COBLL1: variants seen among roughly 807,000 people sequenced by gnomAD.
COBLL1 encodes cordon-bleu protein-like 1.
Under a neutral mutation model 94.8 loss-of-function variants are expected in COBLL1, and 50 were observed. The observed-to-expected ratio is 0.53, with a 90% CI of 0.42 to 0.67. The LOEUF (loss-of-function observed/expected upper bound fraction) is 0.67. Among genes scored for constraint, COBLL1 ranks in the 30% least tolerant of loss-of-function variants. The pLI is 0.00. For missense variants in COBLL1, 1,362 were observed against 1,348.7 expected (o/e 1.01, Z -0.15); for synonymous variants, 448 against 473.8 (o/e 0.95, Z 0.71).
intron 2 of COBLL1, among the ~76,000 whole-genome samples, chr2:164,769,932 G>C (rs764497549): frequency 2.6e-5 from 4 of 152,094 alleles, no homozygotes; most frequent in Non-Finnish European, 4.4e-5. Context: ...ATGTTACCTT[G>C]TTCTCCCTTT....
At chr2:164,797,878 C>T (rs1449717645) in intron 2 of COBLL1, among the ~76,000 whole-genome samples, 1 of 152,166 alleles carries the variant, frequency 6.6e-6, no homozygotes, top group Admixed American at 6.5e-5. Flanking sequence ...TACTAAATAT[C>T]TTCCGTTTTA....
At position 164,722,246 on chromosome 2, in the gene COBLL1, G is replaced by A. The variant is rs773801362; in HGVS notation, c.825C>T (p.Thr275=). The A allele has an allele frequency of 6.2e-7, 1 of 1,613,924 alleles. No homozygotes were observed. Residue 275 remains threonine, a synonymous_variant, in exon 7 of 14, where the codon ACC becomes ACT. Coordinates refer to ENST00000652658, the MANE Select transcript of COBLL1 (RefSeq NM_001365672.2). ...KHRPTFTRSN[T]ISKPYISNTL... is the part of the protein sequence containing the mutation. ...TGTTGGAAATATATGGTTTGGAAATGGTATTGGACCTTGTAAAAGTTGGGC... is the reference window on the plus strand; with the variant it reads ...TGTTGGAAATATATGGTTTGGAAATAGTATTGGACCTTGTAAAAGTTGGGC...
At chr2:164,757,857 C>A (rs1187960664) in intron 2 of COBLL1, among the ~76,000 whole-genome samples, 1 of 151,394 alleles carries the variant, frequency 6.6e-6, no homozygotes, top group Middle Eastern at 3.2e-3. Context: ...TTATATATGT[C>A]CCATAAATAA....
At chr2:164,749,783 T>C (rs1419787432) in intron 2 of COBLL1, among the ~76,000 whole-genome samples, 1 of 152,188 alleles carries the variant, frequency 6.6e-6, no homozygotes, top group African/African-American at 2.4e-5. Context: ...AAACATTATA[T>C]GACTCTCATA....
chr2:164,778,482 A>G (rs1574570897), intron 2 of COBLL1, among the ~76,000 whole-genome samples: 1 of 152,112 alleles, frequency 6.6e-6, no homozygotes, highest in East Asian at 1.9e-4. Flanking sequence ...ATGTGCCTGT[A>G]GTCCCAGCTA....
rs754250437 is a variant in COBLL1 at position 164,695,816 on chromosome 2, C to A, written c.1576G>T (p.Val526Phe). 1.3e-6 allele frequency: 2 copies of A among 1,575,144 alleles called. No homozygotes were observed. The highest frequency in any genetic ancestry group is 1.7e-6 in the Non-Finnish European group (2 of 1,165,362). Residue 526 changes from valine to phenylalanine, a missense_variant, in exon 12 of 14, where the codon GTC becomes TTC. By Grantham distance (50) the Val-to-Phe change is conservative. Coordinates refer to ENST00000652658, the MANE Select transcript of COBLL1 (RefSeq NM_001365672.2). The part of the protein sequence containing the change: ...QENVVQNEII[V>F]YPENTEDNMK... ...TTGTCTTCTGTGTTCTCTGGATAGACAATTATTTCATTTTGAACTACTGAG... is the reference window on the plus strand; with the variant it reads ...TTGTCTTCTGTGTTCTCTGGATAGAAAATTATTTCATTTTGAACTACTGAG...
At chr2:164,728,239 GAAAC>G (rs1437309019) in intron 4 of COBLL1, 42 bp from the exon 5 acceptor site, 3 of 1,228,110 alleles carry the variant, frequency 2.4e-6, no homozygotes, top group East Asian at 2.3e-5. Flanking sequence ...ATAATTCACT[GAAAC>G]AAACACTCTA....
At chr2:164,790,248 G>A (rs1247600880) in intron 2 of COBLL1, among the ~76,000 whole-genome samples, 2 of 152,028 alleles carry the variant, frequency 1.3e-5, no homozygotes, top group African/African-American at 2.4e-5. Flanking sequence ...CCCAGTGTAC[G>A]TGAGGGTGGG....
intron 3 of COBLL1, among the ~76,000 whole-genome samples, chr2:164,737,488 C>T (rs936032138): frequency 2.6e-5 from 4 of 152,020 alleles, no homozygotes; most frequent in Non-Finnish European, 4.4e-5. Flanking sequence ...AGTTAAAATG[C>T]CAACTTTTGT....
At chr2:164,740,277 T>C (rs1686521571) in intron 3 of COBLL1, among the ~76,000 whole-genome samples, 1 of 152,012 alleles carries the variant, frequency 6.6e-6, no homozygotes, top group Non-Finnish European at 1.5e-5. Context: ...GTGGGAAGAT[T>C]GCTTGAGTCT....
Position 164,687,472 on chromosome 2 carries a change from G to A in COBLL1, c.3301-1440C>T, listed in dbSNP as rs1683359788. The stretch of plus-strand genomic sequence containing the variant: ...GAACTTGAACTTGGCCCTGTGCAGG[G>A]CCTCAATCACATGCTCCTTGTTCTG... On this transcript the variant is annotated intron_variant, in intron 13 of 13. Transcript: ENST00000652658. 3.5e-6 allele frequency: 5 copies of A among 1,443,982 alleles called. No homozygotes were observed. In the South Asian group the frequency reaches 5.7e-5, roughly 16 times the overall value. The allele number at this position is 1,443,982 out of a possible 1,614,324, so 89.4% of individuals were successfully genotyped here.
chr2:164,771,236 C>T (rs959241481), intron 2 of COBLL1, among the ~76,000 whole-genome samples: 1 of 151,972 alleles, frequency 6.6e-6, no homozygotes, highest in East Asian at 1.9e-4. Flanking sequence ...CGTTGACCAA[C>T]AACCTAAGTT....
At chr2:164,750,548 C>G (rs1352594262) in intron 2 of COBLL1, among the ~76,000 whole-genome samples, 9 of 152,216 alleles carry the variant, frequency 5.9e-5, no homozygotes, top group Non-Finnish European at 1.3e-4. Flanking sequence ...AGCCTTTTCA[C>G]TGGTCTCTCC....
chr2:164,753,928 G>A (rs747077965), intron 2 of COBLL1, among the ~76,000 whole-genome samples: 4 of 151,554 alleles, frequency 2.6e-5, no homozygotes, highest in Admixed American at 6.6e-5. Flanking sequence ...AGACAGGGTC[G>A]CACCACGTTG....
chr2:164,670,851 G>A (rs1460363072), intron 1 of COBLL1, among the ~76,000 whole-genome samples: 2 of 152,166 alleles, frequency 1.3e-5, no homozygotes, highest in African/African-American at 2.4e-5. Context: ...CAGAACTCAT[G>A]AGGAATGGAG....
intron 11 of COBLL1, chr2:164,697,231 A>AT (rs1361515526): frequency 1.3e-5 from 2 of 152,118 alleles, no homozygotes; most frequent in Non-Finnish European, 2.9e-5. Context: ...TAAACATGTA[A>AT]TTTTAAAATG....
rs147367787 is a variant in COBLL1 at position 164,779,793 on chromosome 2, G to T, written c.42-35918C>A. 1.9e-4 allele frequency: 89 copies of T among 468,546 alleles called. 2 individuals are homozygous for T. The East Asian group carries it at 5.4e-3, about 28-fold the overall frequency. 29.0% of individuals were successfully genotyped at this position (468,546 alleles called of 1,614,324 possible). ...CTGTCCCAATAACTGAGCCTAGAGGGAAAGAGAAGACTTAAGATGATAGCA... is the reference window on the plus strand; with the variant it reads ...CTGTCCCAATAACTGAGCCTAGAGGTAAAGAGAAGACTTAAGATGATAGCA... On this transcript the variant is annotated intron_variant, in intron 2 of 13. Coordinates refer to ENST00000652658, the MANE Select transcript of COBLL1 (RefSeq NM_001365672.2).
At chr2:164,757,703 T>C (rs1391289548) in intron 2 of COBLL1, among the ~76,000 whole-genome samples, 2 of 151,890 alleles carry the variant, frequency 1.3e-5, no homozygotes, top group Non-Finnish European at 2.9e-5. Context: ...TTTCAGCTAC[T>C]TGGGAGCCTG....
At chr2:164,815,347 C>T (rs1684672806) in intron 2 of COBLL1, among the ~76,000 whole-genome samples, 1 of 149,418 alleles carries the variant, frequency 6.7e-6, no homozygotes, top group African/African-American at 2.5e-5. Context: ...TGCAGTGAGC[C>T]GAGGTCATGC....
Sources: allele counts gnomAD v4.1 joint callset (sites outside exome capture counted in the v4.1 genomes callset), GRCh38; gene constraint gnomAD v4.1.1; transcripts MANE v1.5; gene names NCBI Gene and HGNC (gene_info 2026-07-23, HGNC 2026-07-21).